Variants in WDR19 observed in about 807,000 individuals in gnomAD.
WDR19 encodes the protein WD repeat-containing protein 19.
In WDR19, 121 loss-of-function variants were observed where a neutral mutation model predicts 180.0. That is an observed-to-expected ratio of 0.67 (90% CI 0.58 to 0.78). WDR19 has a LOEUF of 0.78. Among genes scored for constraint, WDR19 ranks in the 30% least tolerant of loss-of-function variants. The probability of loss-of-function intolerance (pLI) is 0.00; values close to 1 mark genes in which losing one functional copy is unlikely to be tolerated. For synonymous variants in WDR19, 497 were observed against 540.7 expected (o/e 0.92, Z 1.12); for missense variants, 1,450 against 1,640.7 (o/e 0.88, Z 2.01).
intron 4 of WDR19, among the ~76,000 whole-genome samples, chr4:39,190,412 G>T (rs1049235194): frequency 3.9e-5 from 6 of 152,170 alleles, no homozygotes; most frequent in African/African-American, 9.7e-5. Flanking sequence ...AGAGAAACCA[G>T]TTTCCAATAT....
chr4:39,192,741 C>A (rs1267635131), intron 4 of WDR19, among the ~76,000 whole-genome samples: 1 of 152,154 alleles, frequency 6.6e-6, no homozygotes, highest in South Asian at 2.1e-4. Context: ...GGATTATAGG[C>A]GTGAGCCACC....
intron 17 of WDR19, among the ~76,000 whole-genome samples, 179 bp from the exon 18 acceptor site, chr4:39,231,618 T>C (rs1224121783): frequency 6.6e-6 from 1 of 152,216 alleles, no homozygotes; most frequent in African/African-American, 2.4e-5. Context: ...AAAACATTTA[T>C]CTGTAAAAAA....
intron 9 of WDR19, among the ~76,000 whole-genome samples, chr4:39,211,929 C>CAGAGAGAGAG (rs60128786): frequency 4.4e-5 from 6 of 135,254 alleles, no homozygotes; most frequent in African/African-American, 1.4e-4. Flanking sequence ...TATAGACAGA[C>CAGAGAGAGAG]AGAGAGAGAG....
At chr4:39,190,228 G>A (rs1726008592) in intron 4 of WDR19, among the ~76,000 whole-genome samples, 1 of 152,210 alleles carries the variant, frequency 6.6e-6, no homozygotes, top group Non-Finnish European at 1.5e-5. Context: ...AGAGAAAAGA[G>A]CATGTGCCTT....
rs756119719 is a variant in WDR19, at chr4:39,205,614, C to G, written c.768C>G (p.Val256=). 4.3e-6 allele frequency: 7 copies of G among 1,613,078 alleles called. No homozygotes were observed. Among genetic ancestry groups the G allele is most frequent in the Non-Finnish European group, 5.9e-6 (7 of 1,179,608 alleles). Residue 256 remains valine, a synonymous_variant, in exon 9 of 37, where the codon GTC becomes GTG. Coordinates refer to ENST00000399820, the MANE Select transcript of WDR19 (RefSeq NM_025132.4). ...GTTTTTCATGTGGACATTTTGTGGT[C>G]ATTTCTACTCATACTGGAGAGCTTG... is the stretch of plus-strand genomic sequence containing the variant. ...MIGFSCGHFV[V]ISTHTGELGQ... is the part of the protein sequence containing the mutation.
At chr4:39,200,949 A>G (rs895567386) in intron 6 of WDR19, among the ~76,000 whole-genome samples, 2 of 152,224 alleles carry the variant, frequency 1.3e-5, no homozygotes, top group African/African-American at 2.4e-5. Flanking sequence ...GAGGAGATCA[A>G]TGAAAGTTTG....
chr4:39,183,295 G>A (rs1025284624), intron 1 of WDR19, among the ~76,000 whole-genome samples: 3 of 118,900 alleles, frequency 2.5e-5, no homozygotes, highest in Non-Finnish European at 4.8e-5. Flanking sequence ...TGTTACCCAG[G>A]CTGGAGTGCA....
chr4:39,245,247 C>T (rs1732397765), intron 23 of WDR19, 122 bp from the exon 24 acceptor site: 2 of 789,938 alleles, frequency 2.5e-6, no homozygotes, highest in African/African-American at 3.5e-5. Context: ...CGCCAGGAGC[C>T]AAGATTTTTG....
intron 24 of WDR19, among the ~76,000 whole-genome samples, chr4:39,249,202 G>C (rs1277077000): frequency 2.6e-5 from 4 of 151,260 alleles, no homozygotes; most frequent in South Asian, 2.1e-4. Flanking sequence ...ACTCAAAACC[G>C]CTCAACTACA....
At chr4:39,261,046 T>G (rs1194378865) in intron 28 of WDR19, among the ~76,000 whole-genome samples, 1 of 152,006 alleles carries the variant, frequency 6.6e-6, no homozygotes, top group Admixed American at 6.6e-5. Context: ...CAGGCTGGAG[T>G]GCAGTGGCAC....
At chr4:39,215,597 C>T (rs1042401235) in intron 10 of WDR19, among the ~76,000 whole-genome samples, 2 of 152,112 alleles carry the variant, frequency 1.3e-5, no homozygotes, top group African/African-American at 2.4e-5. Flanking sequence ...TTTCTCAGAA[C>T]ATAGCCCTGT....
At position 39,185,708 on chromosome 4, in the gene WDR19, A is replaced by T; in HGVS notation, c.7-18A>T. 1 of 1,550,022 alleles carries T rather than the reference A, an allele frequency of 6.5e-7. No individual in the cohort carries two copies. The highest frequency in any genetic ancestry group is 1.2e-5 in the South Asian group (1 of 83,998). ...ATTGTATGTTTTGAAAATATTAAAA[A>T]TTGTGTTTATTTTTTAGCGTATTTT... is the stretch of plus-strand genomic sequence containing the variant. On this transcript the variant is annotated intron_variant, in intron 1 of 36. Transcript: ENST00000399820.
At chr4:39,268,181 C>A in intron 30 of WDR19, 90 bp downstream of exon 30, 1 of 1,110,564 alleles carries the variant, frequency 9.0e-7, no homozygotes, top group Non-Finnish European at 1.3e-6. Context: ...GTAGCCCCTA[C>A]GTTTGTAACA....
At chr4:39,229,977 A>T (rs1463391961) in intron 17 of WDR19, among the ~76,000 whole-genome samples, 1 of 152,118 alleles carries the variant, frequency 6.6e-6, no homozygotes, top group East Asian at 1.9e-4. Flanking sequence ...CCTCACCTGG[A>T]ATAATGTGTA....
At chr4:39,234,191 G>A (rs972516153) in intron 19 of WDR19, among the ~76,000 whole-genome samples, 1 of 152,170 alleles carries the variant, frequency 6.6e-6, no homozygotes, top group Non-Finnish European at 1.5e-5. Context: ...TGTTTAGGAA[G>A]TATGAATAAA....
At chr4:39,267,516 C>T (rs1393709328) in intron 29 of WDR19, among the ~76,000 whole-genome samples, 3 of 152,080 alleles carry the variant, frequency 2.0e-5, no homozygotes, top group African/African-American at 7.2e-5. Flanking sequence ...TGGAAAATGG[C>T]CAAAGGCCAA....
chr4:39,231,804 G>C lies in WDR19; in HGVS notation c.1990G>C (p.Asp664His). The stretch of plus-strand genomic sequence containing the variant: ...TATGTTCTTACATCCCAGGTTTTCT[G>C]ATGCTTGGGAAATGTGCAGGATTCT... ...AQNLMLKRFS[D>H]AWEMCRILND... is the part of the protein sequence containing the mutation. Residue 664 changes from aspartate to histidine, a missense_variant, in exon 18 of 37, where the codon GAT (aspartate) becomes CAT (histidine). Physicochemically the swap from Asp to His is moderately conservative, Grantham distance 81. Coordinates refer to ENST00000399820, the MANE Select transcript of WDR19 (RefSeq NM_025132.4). 1 of 1,580,308 alleles carries C rather than the reference G, an allele frequency of 6.3e-7. No individual in the cohort carries two copies. The highest frequency in any genetic ancestry group is 1.1e-5 in the South Asian group (1 of 87,570).
intron 14 of WDR19, among the ~76,000 whole-genome samples, chr4:39,219,571 G>A (rs1228111433): frequency 6.6e-6 from 1 of 152,202 alleles, no homozygotes; most frequent in Non-Finnish European, 1.5e-5. Flanking sequence ...TCTATTACTT[G>A]CTAGCTGGTG....
chr4:39,212,131 G>A (rs938866219), intron 9 of WDR19, among the ~76,000 whole-genome samples: 1 of 152,146 alleles, frequency 6.6e-6, no homozygotes, highest in African/African-American at 2.4e-5. Context: ...CAGAGGAAAA[G>A]ACATATCAAT....
Sources: allele counts gnomAD v4.1 joint callset (sites outside exome capture counted in the v4.1 genomes callset), GRCh38; gene constraint gnomAD v4.1.1; transcripts MANE v1.5; gene names NCBI Gene and HGNC (gene_info 2026-07-23, HGNC 2026-07-21).